ATXN1: variants seen among roughly 807,000 people sequenced by gnomAD.
ATXN1 encodes ataxin-1.
A neutral mutation model predicts 56.4 loss-of-function variants in ATXN1; 8 were observed. The observed-to-expected ratio is 0.14, with a 90% confidence interval of 0.08 to 0.26. The LOEUF is 0.26. Ranked by LOEUF, ATXN1 falls within the 10% of genes least tolerant of loss-of-function variation. The pLI is 1.00. For missense variants in ATXN1, 987 were observed against 1,106.5 expected (o/e 0.89, Z 1.53); for synonymous variants, 514 against 494.6 (o/e 1.04, Z -0.52).
In ATXN1 at chr6:16,305,947, C is replaced by T. The variant is rs1013745122; in HGVS notation, c.*382G>A. The T allele has an allele frequency of 5.8e-6, 1 of 173,154 alleles. No individual in the cohort carries two copies. The highest frequency in any genetic ancestry group is 1.6e-4 in the East Asian group (1 of 6,110). The allele number at this position is 173,154 out of a possible 1,614,324, so 10.7% of individuals were successfully genotyped here. A position where few individuals can be genotyped will look rare whatever the true frequency, so the allele number is the denominator to read the frequency against. ...CACAGCGCCTGTGCACCCCCACATGCGTGCAACCCTGCACCCCTGCAGGAC... is the reference window on the plus strand; with the variant it reads ...CACAGCGCCTGTGCACCCCCACATGTGTGCAACCCTGCACCCCTGCAGGAC... On this transcript the variant is annotated 3_prime_UTR_variant, in exon 8 of 8. Coordinates refer to ENST00000436367, the MANE Select transcript of ATXN1 (RefSeq NM_001128164.2).
chr6:16,748,018 G>A (rs1459628981), intron 2 of ATXN1, among the ~76,000 whole-genome samples: 1 of 152,206 alleles, frequency 6.6e-6, no homozygotes, highest in African/African-American at 2.4e-5. Flanking sequence ...ACCCAGTGAA[G>A]TTCTTTTAAG....
intron 6 of ATXN1, among the ~76,000 whole-genome samples, chr6:16,343,426 C>A (rs1422227875): frequency 6.6e-6 from 1 of 152,122 alleles, no homozygotes; most frequent in African/African-American, 2.4e-5. Flanking sequence ...CACAGCGCCC[C>A]GCTCCCTCAT....
intron 6 of ATXN1, among the ~76,000 whole-genome samples, chr6:16,347,872 G>A (rs1761456390): frequency 6.6e-6 from 1 of 151,762 alleles, no homozygotes; most frequent in Non-Finnish European, 1.5e-5. Flanking sequence ...CACTGTGGAA[G>A]CTTTGTTCTT....
intron 6 of ATXN1, among the ~76,000 whole-genome samples, chr6:16,455,313 C>A (rs1759843394): frequency 1.3e-5 from 2 of 152,192 alleles, no homozygotes; most frequent in African/African-American, 4.8e-5. Flanking sequence ...CAAGTAAGCA[C>A]ATAAAAAGAT....
chr6:16,459,167 G>A (rs1759941350), intron 6 of ATXN1, among the ~76,000 whole-genome samples: 1 of 152,166 alleles, frequency 6.6e-6, no homozygotes, highest in Non-Finnish European at 1.5e-5. Flanking sequence ...GGACATATTA[G>A]CCAAAGCTGG....
chr6:16,318,532 A>G (rs1235162556), intron 7 of ATXN1, among the ~76,000 whole-genome samples: 2 of 152,170 alleles, frequency 1.3e-5, no homozygotes, highest in Non-Finnish European at 2.9e-5. Context: ...TAAGCGAGAG[A>G]CCCATTTACT....
At chr6:16,525,310 T>C (rs1761369629) in intron 4 of ATXN1, among the ~76,000 whole-genome samples, 1 of 152,154 alleles carries the variant, frequency 6.6e-6, no homozygotes, top group African/African-American at 2.4e-5. Context: ...GAAAGTATAG[T>C]ATATACACAC....
intron 2 of ATXN1, among the ~76,000 whole-genome samples, chr6:16,699,603 A>T (rs1053182085): frequency 1.3e-5 from 2 of 152,220 alleles, no homozygotes; most frequent in African/African-American, 4.8e-5. Context: ...AGAGTTCTGA[A>T]GGACAATGTG....
At chr6:16,757,255 G>A (rs912761291) in intron 1 of ATXN1, among the ~76,000 whole-genome samples, 2 of 152,120 alleles carry the variant, frequency 1.3e-5, no homozygotes, top group Non-Finnish European at 2.9e-5. Flanking sequence ...CTCTTAAAAC[G>A]AAATCCGCAA....
chr6:16,576,042 C>A (rs1762413916), intron 4 of ATXN1, among the ~76,000 whole-genome samples: 1 of 151,962 alleles, frequency 6.6e-6, no homozygotes, highest in African/African-American at 2.4e-5. Flanking sequence ...GCAATAAACT[C>A]AGACTCTTTA....
rs1327464215 is a variant in ATXN1 at position 16,304,837 on chromosome 6, AAC to A, written c.*1490_*1491del. On this transcript the variant is annotated 3_prime_UTR_variant, in exon 8 of 8. Transcript: ENST00000436367. ...TTTAAAAGTTCATCTTAAAAAGAAA[AAC>A]ACTGGACAAAAATGAGTATTCTCTT... 1 of 152,686 alleles carries A rather than the reference AAC, an allele frequency of 6.5e-6. No homozygotes were observed. The highest frequency in any genetic ancestry group is 1.5e-5 in the Non-Finnish European group (1 of 68,046). The allele number at this position is 152,686 out of a possible 1,614,324, so 9.5% of individuals were successfully genotyped here. A position where few individuals can be genotyped will look rare whatever the true frequency, so the allele number is the denominator to read the frequency against.
intron 6 of ATXN1, among the ~76,000 whole-genome samples, chr6:16,415,760 T>G (rs1758892423): frequency 6.6e-6 from 1 of 152,216 alleles, no homozygotes; most frequent in South Asian, 2.1e-4. Context: ...GAGTGCCACT[T>G]TTATTAATGG....
chr6:16,712,804 T>C lies in ATXN1; in HGVS notation c.-615+40429A>G, dbSNP rs573687511. Among the ~76,000 whole-genome samples, 11 of 151,630 alleles carry C rather than the reference T, an allele frequency of 7.3e-5. No individual in the cohort carries two copies. The South Asian group carries it at 1.3e-3, about 17-fold the overall frequency. Reference sequence around the variant, plus strand: ...CGTCCTGCCTGTGGCATCTCATCACTGATAAACATCAGGAAGTAACTGCCA... The same window carrying C: ...CGTCCTGCCTGTGGCATCTCATCACCGATAAACATCAGGAAGTAACTGCCA... On this transcript the variant is annotated intron_variant, in intron 2 of 7. Transcript: ENST00000436367.
intron 3 of ATXN1, among the ~76,000 whole-genome samples, chr6:16,642,089 A>G (rs1397881515): frequency 3.3e-5 from 5 of 152,190 alleles, no homozygotes; most frequent in African/African-American, 1.2e-4. Flanking sequence ...ATGGAGGAGC[A>G]AAGAAAGTGG....
chr6:16,359,983 T>C (rs1761774087), intron 6 of ATXN1, among the ~76,000 whole-genome samples: 1 of 152,126 alleles, frequency 6.6e-6, no homozygotes, highest in Non-Finnish European at 1.5e-5. Context: ...GCTCGGGTGA[T>C]GGCTGCACCG....
intron 3 of ATXN1, among the ~76,000 whole-genome samples, chr6:16,633,959 C>T (rs1378176321): frequency 6.6e-6 from 1 of 152,160 alleles, no homozygotes; most frequent in Non-Finnish European, 1.5e-5. Flanking sequence ...ACAGCAAGCC[C>T]GCACTACAGC....
intron 6 of ATXN1, among the ~76,000 whole-genome samples, chr6:16,458,489 CA>C (rs1054327987): frequency 3.9e-5 from 6 of 152,144 alleles, no homozygotes; most frequent in Non-Finnish European, 7.4e-5. Context: ...GAGAAAGCTC[CA>C]AAAGCGAGCC....
intron 2 of ATXN1, among the ~76,000 whole-genome samples, chr6:16,682,778 T>C (rs1229840783): frequency 1.3e-5 from 2 of 152,218 alleles, no homozygotes; most frequent in East Asian, 3.8e-4. Flanking sequence ...CCACATTTAC[T>C]GTACAAGTAA....
chr6:16,588,025 C>T (rs1321006135), intron 3 of ATXN1, among the ~76,000 whole-genome samples: 1 of 149,986 alleles, frequency 6.7e-6, no homozygotes, highest in African/African-American at 2.5e-5. Flanking sequence ...CTCATCTATC[C>T]CCTAATGTTT....
Sources: gnomAD v4.1 joint callset for allele counts (sites outside exome capture counted in the v4.1 genomes callset) on GRCh38, gnomAD v4.1.1 for gene constraint, MANE v1.5 for transcripts, NCBI Gene and HGNC (gene_info 2026-07-23, HGNC 2026-07-21) for gene names.